DRG2: variants seen among roughly 807,000 people sequenced by gnomAD.
DRG2 encodes the protein developmentally regulated GTP binding protein 2.
Under a neutral mutation model 53.4 loss-of-function variants are expected in DRG2, and 36 were observed. The ratio of observed to expected loss-of-function variants is 0.67; its 90% CI spans 0.52 to 0.89. The LOEUF is 0.89. Among genes scored for constraint, DRG2 ranks in the 40% least tolerant of loss-of-function variants. DRG2 has a pLI of 0.00. For synonymous variants in DRG2, 167 were observed against 192.1 expected, an observed-to-expected ratio of 0.87 and a Z score of 1.08; for missense variants, 342 against 481.2, an observed-to-expected ratio of 0.71 and a Z score of 2.71.
In DRG2 at chr17:18,099,975, C is replaced by T. The variant is rs978853324; in HGVS notation, c.467+252C>T. On this transcript the variant is annotated intron_variant, in intron 5 of 12. Coordinates refer to ENST00000225729, the MANE Select transcript of DRG2 (RefSeq NM_001388.5). The surrounding 1 kb of genome is among the most constrained non-coding windows in gnomAD (Gnocchi z 4.4). ...CCTGGCCCTGCTTCCTGTTCAGAGGCACAGGTGCCTCATCACTGCCCAGAA... is the reference window on the plus strand; with the variant it reads ...CCTGGCCCTGCTTCCTGTTCAGAGGTACAGGTGCCTCATCACTGCCCAGAA... The T allele has an allele frequency of 1.7e-6, 1 of 592,202 alleles. No homozygotes were observed. Among genetic ancestry groups the T allele is most frequent in the Non-Finnish European group, 3.0e-6 (1 of 332,906 alleles). 36.7% of individuals were successfully genotyped at this position (592,202 alleles called of 1,614,324 possible).
intron 10 of DRG2, among the ~76,000 whole-genome samples, chr17:18,104,097 T>C (rs1362563182): frequency 6.6e-6 from 1 of 152,174 alleles, no homozygotes; most frequent in Non-Finnish European, 1.5e-5. Flanking sequence ...CCCCACTGGC[T>C]GTAGCAGTCA....
At chr17:18,095,306 C>G (rs1436148431) in intron 2 of DRG2, 1 of 151,508 alleles carries the variant, frequency 6.6e-6, no homozygotes, top group African/African-American at 2.4e-5. Context: ...GCCACCGTTC[C>G]CGGCGTGATT....
chr17:18,104,440 A>C (rs747947285), intron 10 of DRG2, 183 bp from the exon 11 acceptor site: 9 of 1,308,944 alleles, frequency 6.9e-6, no homozygotes, highest in Non-Finnish European at 9.2e-6. Flanking sequence ...CTGTGTTAAG[A>C]TCAAGGTCGT....
At chr17:18,101,447 A>G (rs774341546) in intron 7 of DRG2, 46 bp from the exon 8 acceptor site, 2 of 1,586,586 alleles carry the variant, frequency 1.3e-6, no homozygotes, top group Non-Finnish European at 1.7e-6. Context: ...CTGATGGGGG[A>G]CAGGGGCAGC....
chr17:18,098,030 T>C lies in DRG2; in HGVS notation c.226-240T>C. ...CCATCAGAATCCAGATCCCTGCCTC[T>C]ACCTGAGACAGTCCTGAGGCCTCCA... On this transcript the variant is annotated intron_variant, in intron 2 of 12. Transcript: ENST00000225729. This position sits in a 1 kb window ranked among gnomAD's most constrained non-coding sequence, Gnocchi z 4.1. 2.7e-6 allele frequency: 1 copy of C among 365,242 alleles called. No individual in the cohort carries two copies. Among genetic ancestry groups the C allele is most frequent in the South Asian group, 4.3e-5 (1 of 23,374 alleles). The allele number at this position is 365,242 out of a possible 1,614,324, so 22.6% of individuals were successfully genotyped here.
intron 8 of DRG2, 53 bp from the exon 9 acceptor site, chr17:18,101,868 C>T (rs1212073561): frequency 6.4e-7 from 1 of 1,566,440 alleles, no homozygotes; most frequent in African/African-American, 1.4e-5. Flanking sequence ...AGGGCCCTTT[C>T]CTGGATGCCT....
At position 18,100,059 on chromosome 17, in the gene DRG2, G is replaced by T; in HGVS notation, c.468-304G>T. ...TTGTTCATCCACATCCTGGCAGAGG[G>T]GTACACCAGGCCTGCCTCCTCGGGA... On this transcript the variant is annotated intron_variant, in intron 5 of 12. Transcript: ENST00000225729. This position sits in a 1 kb window ranked among gnomAD's most constrained non-coding sequence, Gnocchi z 4.1. 1.7e-6 allele frequency: 1 copy of T among 576,256 alleles called. No homozygotes were observed. The highest frequency in any genetic ancestry group is 4.7e-4 in the Middle Eastern group (1 of 2,142). The allele number at this position is 576,256 out of a possible 1,614,324, so 35.7% of individuals were successfully genotyped here.
chr17:18,093,436 A>G (rs1258584596), intron 1 of DRG2, among the ~76,000 whole-genome samples: 1 of 151,536 alleles, frequency 6.6e-6, no homozygotes, highest in Admixed American at 6.6e-5. Context: ...CTTCTGCCTC[A>G]GCCTCCCAAA....
rs2045499995 is a variant in DRG2 at position 18,099,927 on chromosome 17, G to T, written c.467+204G>T. The T allele has an allele frequency of 1.6e-6, 1 of 622,882 alleles. No individual in the cohort carries two copies. Among genetic ancestry groups the T allele is most frequent in the African/African-American group, 1.8e-5 (1 of 54,296 alleles). 38.6% of individuals were successfully genotyped at this position (622,882 alleles called of 1,614,324 possible). A position where few individuals can be genotyped will look rare whatever the true frequency, so the allele number is the denominator to read the frequency against. Reference sequence around the variant, plus strand: ...GTCCAGCCAGCACAGAGGTATCTTGGGACTGGGGGCCGAGGGGCTTGGCCT... The same window carrying T: ...GTCCAGCCAGCACAGAGGTATCTTGTGACTGGGGGCCGAGGGGCTTGGCCT... On this transcript the variant is annotated intron_variant, in intron 5 of 12. Coordinates refer to ENST00000225729, the MANE Select transcript of DRG2 (RefSeq NM_001388.5). The surrounding 1 kb of genome is among the most constrained non-coding windows in gnomAD (Gnocchi z 4.4).
At position 18,107,493 on chromosome 17, in the gene DRG2, G is replaced by A; in HGVS notation, c.*253G>A. On this transcript the variant is annotated 3_prime_UTR_variant, in exon 13 of 13. Transcript: ENST00000225729. ...GTTTTGAGTTTGTAGTGCTGAGCCT[G>A]CATCTGTGCCTCCCAGCCCCCTGCA... 1 of 541,002 alleles carries A rather than the reference G, an allele frequency of 1.8e-6. No homozygotes were observed. Among genetic ancestry groups the A allele is most frequent in the Non-Finnish European group, 3.3e-6 (1 of 299,170 alleles). 33.5% of individuals were successfully genotyped at this position (541,002 alleles called of 1,614,324 possible).
intron 2 of DRG2, chr17:18,094,222 A>C: frequency 2.1e-6 from 1 of 474,104 alleles, no homozygotes. Context: ...TCGAGTGTGT[A>C]TCTCTAGCGG....
Position 18,098,730 on chromosome 17 carries a change from C to T in DRG2, c.316-287C>T. On this transcript the variant is annotated intron_variant, in intron 3 of 12. Transcript: ENST00000225729. This position sits in a 1 kb window ranked among gnomAD's most constrained non-coding sequence, Gnocchi z 4.1. The stretch of plus-strand genomic sequence containing the variant: ...GCTTTGGGCAGCTGAGTGGTATGGC[C>T]TTAAGTTCCCATGGTGAAACAATTT... 6.6e-6 allele frequency among the ~76,000 whole-genome samples: 1 copy of T among 152,190 alleles called. No individual in the cohort carries two copies. Among genetic ancestry groups the T allele is most frequent in the Non-Finnish European group, 1.5e-5 (1 of 68,042 alleles).
Position 18,087,983 on chromosome 17 carries a change from C to T in DRG2, c.-41C>T, listed in dbSNP as rs1012324066. 1.9e-6 allele frequency: 3 copies of T among 1,540,098 alleles called. No individual in the cohort carries two copies. Among genetic ancestry groups the T allele is most frequent in the African/African-American group, 2.8e-5 (2 of 72,628 alleles). ...CGCCGTCAGACCGGAATTGCCGGTG[C>T]CGCCGCCACCGCTGTCTGTGCGCCC... On this transcript the variant is annotated 5_prime_UTR_variant, in exon 1 of 13. Coordinates refer to ENST00000225729, the MANE Select transcript of DRG2 (RefSeq NM_001388.5).
chr17:18,088,706 G>T (rs937114952), intron 1 of DRG2, among the ~76,000 whole-genome samples: 6 of 152,204 alleles, frequency 3.9e-5, no homozygotes, highest in Non-Finnish European at 5.9e-5. Context: ...TGGGCACATG[G>T]TGAGCACTCA....
In DRG2 at chr17:18,107,280, C is replaced by A; in HGVS notation, c.*40C>A. The A allele has an allele frequency of 5.0e-6, 8 of 1,598,318 alleles. No individual in the cohort carries two copies. The highest frequency in any genetic ancestry group is 6.8e-6 in the Non-Finnish European group (8 of 1,169,764). ...CCTCCCGCCCACCTGCCTCGTCTCC[C>A]TGGGGAGGTGGTCCCACTGGGACAC... On this transcript the variant is annotated 3_prime_UTR_variant, in exon 13 of 13. Transcript: ENST00000225729.
At chr17:18,090,478 G>A (rs1174778465) in intron 1 of DRG2, among the ~76,000 whole-genome samples, 1 of 131,894 alleles carries the variant, frequency 7.6e-6, no homozygotes, top group Admixed American at 8.5e-5. Context: ...GTGCAATGGT[G>A]CAATCTCGGC....
At position 18,100,568 on chromosome 17, in the gene DRG2, G is replaced by T; in HGVS notation, c.541-1G>T. 1 of 1,614,174 alleles carries T rather than the reference G, an allele frequency of 6.2e-7. No homozygotes were observed. The highest frequency in any genetic ancestry group is 8.5e-7 in the Non-Finnish European group (1 of 1,180,032). Reference sequence around the variant, plus strand: ...CTCCCCATCCCTTTCTCCTCTTTCAGCCCAAGAAAGGTGGTGGCATCTCCT... The same window carrying T: ...CTCCCCATCCCTTTCTCCTCTTTCATCCCAAGAAAGGTGGTGGCATCTCCT... On this transcript the variant is annotated splice_acceptor_variant, in intron 6 of 12. Transcript: ENST00000225729. LOFTEE classifies it high-confidence loss of function. This position sits in a 1 kb window ranked among gnomAD's most constrained non-coding sequence, Gnocchi z 4.1.
At chr17:18,106,321 C>A in intron 11 of DRG2, 112 bp from the exon 12 acceptor site, 1 of 1,203,566 alleles carries the variant, frequency 8.3e-7, no homozygotes, top group Non-Finnish European at 1.2e-6. Flanking sequence ...GGGCACCTGC[C>A]GCGGGAACTC....
At position 18,099,612 on chromosome 17, in the gene DRG2, G is replaced by A; in HGVS notation, c.377-21G>A. The A allele has an allele frequency of 2.5e-6, 4 of 1,591,064 alleles. No individual in the cohort carries two copies. The highest frequency in any genetic ancestry group is 3.4e-6 in the Non-Finnish European group (4 of 1,169,798). ...GTCACATGGGTCCACATATGTAACTGCATCCCTCACACCCATCCAGGAAAA... is the reference window on the plus strand; with the variant it reads ...GTCACATGGGTCCACATATGTAACTACATCCCTCACACCCATCCAGGAAAA... On this transcript the variant is annotated intron_variant, in intron 4 of 12. Transcript: ENST00000225729. The surrounding 1 kb of genome is among the most constrained non-coding windows in gnomAD (Gnocchi z 4.4).
Sources: allele counts gnomAD v4.1 joint callset (sites outside exome capture counted in the v4.1 genomes callset), GRCh38; gene constraint gnomAD v4.1.1; non-coding constraint Gnocchi (gnomAD v3.1); transcripts MANE v1.5; gene names NCBI Gene and HGNC (gene_info 2026-07-23, HGNC 2026-07-21).